Variants in RIPOR2 observed in about 807,000 individuals in gnomAD.
RIPOR2 encodes RHO family interacting cell polarization regulator 2, also known as rho family-interacting cell polarization regulator 2.
Under a neutral mutation model 114.5 loss-of-function variants are expected in RIPOR2, and 39 were observed. The observed-to-expected ratio is 0.34, with a 90% CI of 0.26 to 0.44. The LOEUF (loss-of-function observed/expected upper bound fraction) is 0.44, where lower values mean the gene tolerates loss of function less well. Ranked by LOEUF, RIPOR2 falls within the 20% of genes least tolerant of loss-of-function variation. The pLI, the probability that RIPOR2 is intolerant of heterozygous loss-of-function variation, is 1.00. For missense variants in RIPOR2, 1,007 were observed against 1,255.1 expected (o/e 0.80, Z 2.99); for synonymous variants, 445 against 484.4 (o/e 0.92, Z 1.07).
At chr6:24,922,711 T>C (rs112403425) in intron 1 of RIPOR2, among the ~76,000 whole-genome samples, 3,425 of 151,438 alleles carry the variant, frequency 0.023, 80 homozygotes, top group African/African-American at 0.055. Context: ...AATACAAAAA[T>C]TAGCCTGGTG....
intron 1 of RIPOR2, among the ~76,000 whole-genome samples, chr6:24,954,456 C>CTT (rs10667748): frequency 4.1e-4 from 54 of 132,390 alleles, no homozygotes; most frequent in East Asian, 1.8e-3. Flanking sequence ...TCTCTCTCTC[C>CTT]TTTTTTTTTT....
At chr6:25,038,341 TGAG>T (rs139276634) in intron 1 of RIPOR2, among the ~76,000 whole-genome samples, 81 of 152,372 alleles carry the variant, frequency 5.3e-4, no homozygotes, top group African/African-American at 1.9e-3. Flanking sequence ...ATAAATATGA[TGAG>T]ATTTTACTTC....
chr6:24,912,515 A>G (rs955898286), intron 1 of RIPOR2, among the ~76,000 whole-genome samples: 1 of 70,616 alleles, frequency 1.4e-5, no homozygotes, highest in South Asian at 5.3e-4. Context: ...ACCTTAGTTT[A>G]CTCTCCAGAT....
intron 1 of RIPOR2, among the ~76,000 whole-genome samples, chr6:25,003,566 A>G (rs954610392): frequency 1.2e-4 from 19 of 152,012 alleles, no homozygotes; most frequent in African/African-American, 3.6e-4. Flanking sequence ...AGTAGCTGGG[A>G]CTACATGCGT....
chr6:24,811,162 T>C (rs1781121440), intron 20 of RIPOR2, among the ~76,000 whole-genome samples: 2 of 151,674 alleles, frequency 1.3e-5, no homozygotes, highest in Admixed American at 1.3e-4. Flanking sequence ...TTAATTCCTT[T>C]CTTTATCAGG....
chr6:25,000,359 C>T (rs772753405), intron 1 of RIPOR2, among the ~76,000 whole-genome samples: 16 of 152,176 alleles, frequency 1.1e-4, no homozygotes, highest in Non-Finnish European at 1.6e-4. Flanking sequence ...TCTTCCTCCC[C>T]GACTGTACTG....
chr6:24,914,137 C>A (rs908400060), intron 1 of RIPOR2, among the ~76,000 whole-genome samples: 10 of 152,106 alleles, frequency 6.6e-5, no homozygotes, highest in African/African-American at 2.4e-4. Flanking sequence ...GAGTTTGAGA[C>A]CAGCCTGGCC....
At chr6:24,837,442 G>T (rs1290780459) in intron 14 of RIPOR2, among the ~76,000 whole-genome samples, 2 of 151,230 alleles carry the variant, frequency 1.3e-5, no homozygotes, top group Non-Finnish European at 2.9e-5. Flanking sequence ...TTGAGAGAAG[G>T]TCTCGCTCTG....
chr6:24,941,377 A>C (rs917293750), intron 1 of RIPOR2, among the ~76,000 whole-genome samples: 1 of 122,598 alleles, frequency 8.2e-6, no homozygotes, highest in African/African-American at 3.7e-5. Context: ...TAGAAACAGA[A>C]AAAAAAAAAA....
intron 1 of RIPOR2, among the ~76,000 whole-genome samples, chr6:24,998,052 G>A (rs956738952): frequency 1.3e-5 from 2 of 152,122 alleles, no homozygotes; most frequent in African/African-American, 2.4e-5. Flanking sequence ...TTGAATAGGC[G>A]GTGGGGAGGG....
At chr6:24,934,602 C>G (rs1301151920) in intron 1 of RIPOR2, among the ~76,000 whole-genome samples, 1 of 152,156 alleles carries the variant, frequency 6.6e-6, no homozygotes, top group Non-Finnish European at 1.5e-5. Flanking sequence ...TACACAAAAA[C>G]CTTACTACTG....
intron 1 of RIPOR2, among the ~76,000 whole-genome samples, chr6:24,947,334 C>CATTTGGGTCA (rs1757336840): frequency 6.6e-6 from 1 of 152,142 alleles, no homozygotes; most frequent in Admixed American, 6.5e-5. Context: ...GAACTACATG[C>CATTTGGGTCA]ATTTGGGTCA....
intron 1 of RIPOR2, among the ~76,000 whole-genome samples, chr6:24,921,949 C>G (rs1336486384): frequency 6.6e-6 from 1 of 151,944 alleles, no homozygotes; most frequent in Non-Finnish European, 1.5e-5. Flanking sequence ...CTTGCCTCAG[C>G]CTCCTGAGTA....
chr6:24,929,003 C>T (rs374203274), intron 1 of RIPOR2, among the ~76,000 whole-genome samples: 6 of 152,226 alleles, frequency 3.9e-5, no homozygotes, highest in African/African-American at 1.4e-4. Context: ...CTGCGTGAAG[C>T]ATTTTTTAAG....
intron 1 of RIPOR2, among the ~76,000 whole-genome samples, chr6:24,981,397 C>T (rs1448147211): frequency 6.6e-6 from 1 of 152,172 alleles, no homozygotes; most frequent in Non-Finnish European, 1.5e-5. Context: ...AAGACTGAAG[C>T]CTAATGGAGG....
intron 1 of RIPOR2, among the ~76,000 whole-genome samples, chr6:24,965,436 C>T (rs1370362298): frequency 6.6e-6 from 1 of 152,214 alleles, no homozygotes; most frequent in Non-Finnish European, 1.5e-5. Flanking sequence ...CCACACCTGG[C>T]AAAGTTTTAA....
intron 1 of RIPOR2, among the ~76,000 whole-genome samples, chr6:24,987,571 A>G (rs930489301): frequency 2.0e-5 from 3 of 152,226 alleles, no homozygotes; most frequent in Admixed American, 6.5e-5. Flanking sequence ...AGGAGATGAA[A>G]GAGAATAAGA....
At chr6:24,911,716 C>G (rs2114070960) in intron 1 of RIPOR2, among the ~76,000 whole-genome samples, 1 of 152,130 alleles carries the variant, frequency 6.6e-6, no homozygotes, top group Admixed American at 6.5e-5. Flanking sequence ...CAAAAAAGGG[C>G]CTTTTGGAGT....
intron 1 of RIPOR2, among the ~76,000 whole-genome samples, chr6:25,000,579 G>A (rs1775257731): frequency 6.6e-6 from 1 of 151,694 alleles, no homozygotes; most frequent in African/African-American, 2.4e-5. Context: ...AATTAACAAT[G>A]TTAGGCTACA....
Sources: gnomAD v4.1 joint callset for allele counts (sites outside exome capture counted in the v4.1 genomes callset) on GRCh38, gnomAD v4.1.1 for gene constraint, MANE v1.5 for transcripts, NCBI Gene and HGNC (gene_info 2026-07-23, HGNC 2026-07-21) for gene names.